SCAPER: variants seen among roughly 807,000 people sequenced by gnomAD.
SCAPER encodes the protein S-phase cyclin A associated protein in the ER.
In SCAPER, 98 loss-of-function variants were observed where a neutral mutation model predicts 182.2. The observed-to-expected ratio is 0.54, with a 90% CI of 0.46 to 0.64. The LOEUF (loss-of-function observed/expected upper bound fraction) is 0.64, where lower values mean the gene tolerates loss of function less well. Among genes scored for constraint, SCAPER ranks in the 30% least tolerant of loss-of-function variants. The pLI is 0.00. For synonymous variants in SCAPER, 605 were observed against 564.6 expected, an observed-to-expected ratio of 1.07 and a Z score of -1.01; for missense variants, 1,432 against 1,690.0, an observed-to-expected ratio of 0.85 and a Z score of 2.68.
At chr15:76,390,944 TCA>T (rs1427904206) in intron 27 of SCAPER, among the ~76,000 whole-genome samples, 1 of 152,224 alleles carries the variant, frequency 6.6e-6, no homozygotes, top group East Asian at 1.9e-4. Flanking sequence ...AATCCATTTT[TCA>T]CAGAGTAAAC....
At chr15:76,405,075 T>C (rs1184516914) in intron 26 of SCAPER, among the ~76,000 whole-genome samples, 1 of 151,500 alleles carries the variant, frequency 6.6e-6, no homozygotes, top group Non-Finnish European at 1.5e-5. Flanking sequence ...TACAGTACAA[T>C]GATTCAACTC....
At chr15:76,480,656 T>C (rs2051038374) in intron 24 of SCAPER, among the ~76,000 whole-genome samples, 2 of 152,234 alleles carry the variant, frequency 1.3e-5, no homozygotes, top group Non-Finnish European at 2.9e-5. Flanking sequence ...GGGACAACTG[T>C]CTTCCTTGTT....
intron 23 of SCAPER, among the ~76,000 whole-genome samples, chr15:76,564,815 AAC>A (rs2145205879): frequency 6.6e-6 from 1 of 152,270 alleles, no homozygotes; most frequent in Non-Finnish European, 1.5e-5. Context: ...CTGGTACGAA[AAC>A]AGACACATAG....
In SCAPER at chr15:76,596,236, C is replaced by G; in HGVS notation, c.2712-21952G>C. 4.1e-5 allele frequency among the ~76,000 whole-genome samples: 2 copies of G among 49,276 alleles called. 1 individual carries two copies. The highest frequency in any genetic ancestry group is 1.2e-4 in the Non-Finnish European group (2 of 17,256). The allele number at this position is 49,276 out of a possible 152,430, so 32.3% of individuals were successfully genotyped here. On this transcript the variant is annotated intron_variant, in intron 22 of 31. Transcript: ENST00000563290. ...AAATGGATAACTTCCTGGACACATACAGCCTCCCAAGATGAAACCAGGAAG... is the reference window on the plus strand; with the variant it reads ...AAATGGATAACTTCCTGGACACATAGAGCCTCCCAAGATGAAACCAGGAAG...
chr15:76,369,267 A>G (rs1396026605), intron 29 of SCAPER, among the ~76,000 whole-genome samples: 3 of 152,232 alleles, frequency 2.0e-5, no homozygotes, highest in African/African-American at 4.8e-5. Flanking sequence ...TAGGAAATCT[A>G]TGATGCCCTG....
chr15:76,532,309 C>A (rs950820933), intron 23 of SCAPER, among the ~76,000 whole-genome samples: 1 of 151,936 alleles, frequency 6.6e-6, no homozygotes, highest in African/African-American at 2.4e-5. Flanking sequence ...ACTCCTTTAA[C>A]ATTACCCCTC....
chr15:76,818,440 A>T (rs996386538), intron 5 of SCAPER, among the ~76,000 whole-genome samples: 4 of 152,234 alleles, frequency 2.6e-5, no homozygotes, highest in Non-Finnish European at 5.9e-5. Flanking sequence ...GAATGAAAAA[A>T]TTGATAAGCT....
chr15:76,511,881 A>G (rs1185338988), intron 23 of SCAPER, among the ~76,000 whole-genome samples: 9 of 82,052 alleles, frequency 1.1e-4, no homozygotes, highest in African/African-American at 1.9e-4. Flanking sequence ...GTATATATAT[A>G]TATATTTTTT....
intron 23 of SCAPER, among the ~76,000 whole-genome samples, chr15:76,509,471 G>C (rs1424312122): frequency 1.3e-5 from 2 of 152,180 alleles, no homozygotes; most frequent in African/African-American, 2.4e-5. Context: ...CCATTTGCTA[G>C]AGCACTGCTT....
rs2058971560 is a variant in SCAPER, at chr15:76,701,875, C to T, written c.2401-10G>A. 6.3e-7 allele frequency: 1 copy of T among 1,593,248 alleles called. No individual in the cohort carries two copies. Among genetic ancestry groups the T allele is most frequent in the Non-Finnish European group, 8.6e-7 (1 of 1,161,450 alleles). On this transcript the variant is annotated splice_polypyrimidine_tract_variant and intron_variant, in intron 19 of 31. Coordinates refer to ENST00000563290, the MANE Select transcript of SCAPER (RefSeq NM_020843.4). ...ATACCTCTGAAGAGATCTGAAAGCA[C>T]AAAATCAAAGCAATGTAATCAATAT...
chr15:76,905,320 CG>C lies in SCAPER; in HGVS notation c.-82del. Reference sequence around the variant, plus strand: ...TCACCCCCGACCGCCCTGCTTAGTTCGGGGCGGCTCAAAGCGTCCCGCCGGG... The same window carrying C: ...TCACCCCCGACCGCCCTGCTTAGTTCGGGCGGCTCAAAGCGTCCCGCCGGG... On this transcript the variant is annotated 5_prime_UTR_variant, in exon 1 of 32. Coordinates refer to ENST00000563290, the MANE Select transcript of SCAPER (RefSeq NM_020843.4). 3.9e-6 allele frequency: 1 copy of C among 257,510 alleles called. No individual in the cohort carries two copies. Among genetic ancestry groups the C allele is most frequent in the Non-Finnish European group, 8.1e-6 (1 of 123,674 alleles). The allele number at this position is 257,510 out of a possible 1,614,324, so 16.0% of individuals were successfully genotyped here. A position where few individuals can be genotyped will look rare whatever the true frequency, so the allele number is the denominator to read the frequency against.
intron 20 of SCAPER, among the ~76,000 whole-genome samples, chr15:76,671,837 G>A (rs1470555026): frequency 6.6e-6 from 1 of 151,976 alleles, no homozygotes; most frequent in East Asian, 1.9e-4. Context: ...GTCTGCAGGA[G>A]AAATTAGGGG....
intron 29 of SCAPER, among the ~76,000 whole-genome samples, chr15:76,355,007 C>T (rs1282882621): frequency 6.6e-6 from 1 of 152,236 alleles, no homozygotes; most frequent in Non-Finnish European, 1.5e-5. Flanking sequence ...TGGTTGGGAA[C>T]ACTGTAAACC....
chr15:76,714,816 T>C (rs984859163), intron 17 of SCAPER, among the ~76,000 whole-genome samples: 1 of 152,040 alleles, frequency 6.6e-6, no homozygotes. Flanking sequence ...TATCGGTAAA[T>C]TGCGAAAATA....
At chr15:76,668,601 A>G (rs1205490518) in intron 20 of SCAPER, among the ~76,000 whole-genome samples, 1 of 152,214 alleles carries the variant, frequency 6.6e-6, no homozygotes. Flanking sequence ...GTCTTGACCA[A>G]AGTGAATGCT....
At chr15:76,478,966 AC>A (rs1283485945) in intron 24 of SCAPER, among the ~76,000 whole-genome samples, 38 of 152,068 alleles carry the variant, frequency 2.5e-4, no homozygotes, top group Admixed American at 2.5e-3. Flanking sequence ...AATTCCTACT[AC>A]TTGTTTCAAA....
chr15:76,600,105 A>G (rs2049800555), intron 22 of SCAPER, among the ~76,000 whole-genome samples: 1 of 121,366 alleles, frequency 8.2e-6, no homozygotes, highest in African/African-American at 2.5e-5. Context: ...ATTACAGAAT[A>G]TATGTAGAGG....
intron 21 of SCAPER, among the ~76,000 whole-genome samples, chr15:76,652,239 G>C (rs554112148): frequency 1.9e-5 from 2 of 102,604 alleles, no homozygotes; most frequent in East Asian, 5.9e-4. Flanking sequence ...CCAACATGGC[G>C]AACGCTGTGT....
chr15:76,652,273 A>AATATATATAT lies in SCAPER; in HGVS notation c.2645+13370_2645+13379dup, dbSNP rs1172636102. 4.4e-3 allele frequency among the ~76,000 whole-genome samples: 56 copies of AATATATATAT among 12,820 alleles called. 1 individual carries two copies. The highest frequency in any genetic ancestry group is 6.5e-3 in the Non-Finnish European group (49 of 7,530). The allele number at this position is 12,820 out of a possible 152,430, so 8.4% of individuals were successfully genotyped here. On this transcript the variant is annotated intron_variant, in intron 21 of 31. Transcript: ENST00000563290. ...GTCTCTGCTAAAAAAAAAAAAAAAA[A>AATATATATAT]ATATATATATATATATATATATATA... is the stretch of plus-strand genomic sequence containing the variant.
Sources: allele counts gnomAD v4.1 joint callset (sites outside exome capture counted in the v4.1 genomes callset), GRCh38; gene constraint gnomAD v4.1.1; transcripts MANE v1.5; gene names NCBI Gene and HGNC (gene_info 2026-07-23, HGNC 2026-07-21).